The following GNAL variants were observed in gnomAD, a reference collection of about 807,000 sequenced individuals.
GNAL encodes the protein guanine nucleotide-binding protein G(olf) subunit alpha.
In GNAL, 18 loss-of-function variants were observed where a neutral mutation model predicts 55.1. That is an observed-to-expected ratio of 0.33 (90% CI 0.23 to 0.48). The LOEUF (loss-of-function observed/expected upper bound fraction) is 0.48, where lower values mean the gene tolerates loss of function less well. Among genes scored for constraint, GNAL ranks in the 20% least tolerant of loss-of-function variants. The pLI, the probability that GNAL is intolerant of heterozygous loss-of-function variation, is 0.99. For synonymous variants in GNAL, 253 were observed against 237.0 expected (o/e 1.07, Z -0.62); for missense variants, 412 against 614.1 (o/e 0.67, Z 3.48).
intron 1 of GNAL, among the ~76,000 whole-genome samples, chr18:11,697,101 C>T (rs954929609): frequency 3.9e-5 from 6 of 152,190 alleles, no homozygotes; most frequent in African/African-American, 1.4e-4. Flanking sequence ...AATGAGATCG[C>T]ACATCCTAGC....
intron 1 of GNAL, among the ~76,000 whole-genome samples, chr18:11,715,563 G>C (rs1382416168): frequency 1.3e-5 from 2 of 152,044 alleles, no homozygotes; most frequent in Admixed American, 6.6e-5. Context: ...TGAGAAAGTG[G>C]ACATTTTAGC....
chr18:11,785,524 G>C lies in GNAL; in HGVS notation c.624+31579G>C, dbSNP rs1002538233. Among the ~76,000 whole-genome samples the C allele has an allele frequency of 3.9e-5, 6 of 152,366 alleles. No homozygotes were observed. The East Asian group carries it at 1.2e-3, about 29-fold the overall frequency. ...AGACAGCTTCTCTGGCCCCCGCCCA[G>C]GCCTGGAGGCTGCAGGCCCCTGCCT... On this transcript the variant is annotated intron_variant, in intron 4 of 11. Coordinates refer to ENST00000334049, the MANE Select transcript of GNAL (RefSeq NM_182978.4).
chr18:11,797,033 C>T (rs535788109), intron 4 of GNAL, among the ~76,000 whole-genome samples: 2 of 152,278 alleles, frequency 1.3e-5, no homozygotes, highest in Admixed American at 6.5e-5. Context: ...TGGCTCATTG[C>T]AGCCTCTGCC....
In GNAL at chr18:11,805,376, G is replaced by A. The variant is rs1490277164; in HGVS notation, c.625-19542G>A. Among the ~76,000 whole-genome samples the A allele has an allele frequency of 2.0e-5, 3 of 152,274 alleles. No homozygotes were observed. The East Asian group carries it at 5.8e-4, about 29-fold the overall frequency. ...TGGAACATGGAGGTATTCTGTACTG[G>A]TAAAGTACAGGTGCAGCTTGGGTGG... On this transcript the variant is annotated intron_variant, in intron 4 of 11. Coordinates refer to ENST00000334049, the MANE Select transcript of GNAL (RefSeq NM_182978.4).
intron 1 of GNAL, among the ~76,000 whole-genome samples, chr18:11,700,092 G>A (rs1179493407): frequency 6.6e-6 from 1 of 152,198 alleles, no homozygotes; most frequent in African/African-American, 2.4e-5. Flanking sequence ...GATCCCAAGA[G>A]GAGGAGCTGG....
chr18:11,801,004 C>G (rs752440100), intron 4 of GNAL, among the ~76,000 whole-genome samples: 7 of 152,138 alleles, frequency 4.6e-5, no homozygotes, highest in Non-Finnish European at 8.8e-5. Flanking sequence ...CAACCTAATT[C>G]ACATAGGCTT....
intron 1 of GNAL, among the ~76,000 whole-genome samples, chr18:11,701,045 C>G (rs905248741): frequency 1.1e-4 from 17 of 152,340 alleles, no homozygotes; most frequent in Admixed American, 1.0e-3. Flanking sequence ...GCAGAGAGCA[C>G]AGCCTCAGCC....
At chr18:11,845,501 A>G (rs1306719814) in intron 5 of GNAL, among the ~76,000 whole-genome samples, 4 of 152,148 alleles carry the variant, frequency 2.6e-5, no homozygotes, top group Non-Finnish European at 5.9e-5. Flanking sequence ...TGGAAAGAGG[A>G]ATATATCGTG....
intron 4 of GNAL, among the ~76,000 whole-genome samples, chr18:11,809,193 A>G (rs7226993): frequency 0.42 from 63,865 of 151,940 alleles, 16,152 homozygotes; most frequent in African/African-American, 0.71. Flanking sequence ...GGGAAGCGGA[A>G]GTTGCAGTGA....
intron 1 of GNAL, among the ~76,000 whole-genome samples, chr18:11,708,191 T>C (rs1340635409): frequency 6.6e-6 from 1 of 152,230 alleles, no homozygotes; most frequent in Non-Finnish European, 1.5e-5. Flanking sequence ...GCTTTTGACA[T>C]GCCTTCCTCA....
chr18:11,714,225 GT>G (rs2031902052), intron 1 of GNAL, among the ~76,000 whole-genome samples: 1 of 152,218 alleles, frequency 6.6e-6, no homozygotes, highest in African/African-American at 2.4e-5. Context: ...ATCTCAGTCG[GT>G]TTAGTTTCAT....
chr18:11,879,849 C>T (rs1295120421), intron 11 of GNAL, among the ~76,000 whole-genome samples: 1 of 152,216 alleles, frequency 6.6e-6, no homozygotes, highest in African/African-American at 2.4e-5. Context: ...GCAAACGTTC[C>T]CCCGATAACC....
intron 4 of GNAL, among the ~76,000 whole-genome samples, chr18:11,756,920 T>C (rs2033075844): frequency 6.6e-6 from 1 of 152,242 alleles, no homozygotes; most frequent in Admixed American, 6.5e-5. Flanking sequence ...TGAGAAAGCC[T>C]GTCAGTGTCA....
Position 11,689,814 on chromosome 18 carries a change from A to G in GNAL, c.251A>G (p.Glu84Gly). The G allele has an allele frequency of 6.5e-7, 1 of 1,537,432 alleles. No individual in the cohort carries two copies. The highest frequency in any genetic ancestry group is 2.6e-5 in the East Asian group (1 of 38,240). Residue 84 changes from glutamate to glycine, a missense_variant, in exon 1 of 12, where the codon GAG becomes GGG. Glu to Gly is a moderately conservative substitution (Grantham distance 98). This residue lies in a region of GNAL where 228 missense variants were observed against 194.8 expected (regional missense o/e 1.17). Transcript: ENST00000334049. ...CAGCGCACCGAGCAGCTGAGTGCCG[A>G]GGAGCGCGAGGCGGCCAAGGAGCGC... ...KRQRTEQLSAEEREAAKEREA... is the reference protein window; with the variant it reads ...KRQRTEQLSAGEREAAKEREA...
intron 1 of GNAL, among the ~76,000 whole-genome samples, chr18:11,718,916 T>G (rs561976784): frequency 8.5e-5 from 13 of 152,322 alleles, no homozygotes; most frequent in Middle Eastern, 3.4e-3. Flanking sequence ...TCAAGTTGTT[T>G]CCATTTTTAA....
chr18:11,757,344 C>T (rs1468937367), intron 4 of GNAL, among the ~76,000 whole-genome samples: 1 of 148,648 alleles, frequency 6.7e-6, no homozygotes, highest in African/African-American at 2.6e-5. Context: ...TTGGAGGGTT[C>T]TAAGCAGTGG....
At chr18:11,701,734 C>T (rs1416367409) in intron 1 of GNAL, among the ~76,000 whole-genome samples, 1 of 152,038 alleles carries the variant, frequency 6.6e-6, no homozygotes, top group Non-Finnish European at 1.5e-5. Flanking sequence ...GTAGCAGCAA[C>T]CTGGAGTGTT....
chr18:11,852,974 A>G (rs371563566), intron 5 of GNAL: 29 of 167,214 alleles, frequency 1.7e-4, no homozygotes, highest in Admixed American at 5.9e-4. Context: ...AGTCTTATAA[A>G]TTATGCTAAT....
At chr18:11,717,213 G>T (rs1043405252) in intron 1 of GNAL, among the ~76,000 whole-genome samples, 1 of 152,256 alleles carries the variant, frequency 6.6e-6, no homozygotes, top group African/African-American at 2.4e-5. Context: ...CCAGTGCGGG[G>T]TCCGCGGAGC....
Sources: allele counts gnomAD v4.1 joint callset (sites outside exome capture counted in the v4.1 genomes callset), GRCh38; gene constraint gnomAD v4.1.1; regional missense constraint gnomAD v4.1.1; transcripts MANE v1.5; gene names NCBI Gene and HGNC (gene_info 2026-07-23, HGNC 2026-07-21).